Variants in LCOR observed in about 807,000 individuals in gnomAD.
LCOR encodes ligand-dependent corepressor.
A neutral mutation model predicts 64.4 loss-of-function variants in LCOR; 14 were observed. The ratio of observed to expected loss-of-function variants is 0.22; its 90% confidence interval spans 0.14 to 0.34. The LOEUF (loss-of-function observed/expected upper bound fraction) is 0.34, where lower values mean the gene tolerates loss of function less well. Ranked by LOEUF, LCOR falls within the 10% of genes least tolerant of loss-of-function variation. The probability of loss-of-function intolerance (pLI) is 1.00; values close to 1 mark genes in which losing one functional copy is unlikely to be tolerated. For missense variants in LCOR, 1,686 were observed against 1,765.3 expected, an observed-to-expected ratio of 0.96 and a Z score of 0.80; for synonymous variants, 643 against 642.5, an observed-to-expected ratio of 1.00 and a Z score of -0.01.
chr10:96,846,690 A>T (rs552520619), intron 2 of LCOR, among the ~76,000 whole-genome samples: 2 of 152,186 alleles, frequency 1.3e-5, no homozygotes, highest in African/African-American at 2.4e-5. Context: ...TTTTCATTGT[A>T]TAGTTTTTAT....
intron 7 of LCOR, among the ~76,000 whole-genome samples, chr10:96,975,088 TTGAACCCGGGAGG>T (rs1848026891): frequency 6.6e-6 from 1 of 152,214 alleles, no homozygotes; most frequent in African/African-American, 2.4e-5. Context: ...CAAGAATTGC[TTGAACCCGGGAGG>T]TGGCGGTTGC....
At chr10:96,964,783 CT>C (rs1167961089) in intron 7 of LCOR, among the ~76,000 whole-genome samples, 8 of 152,140 alleles carry the variant, frequency 5.3e-5, no homozygotes, top group African/African-American at 9.7e-5. Flanking sequence ...TCTGTCTTGA[CT>C]TAGTTTTTTA....
At chr10:96,915,372 T>C (rs1231889085) in intron 4 of LCOR, among the ~76,000 whole-genome samples, 1 of 151,926 alleles carries the variant, frequency 6.6e-6, no homozygotes, top group African/African-American at 2.4e-5. Flanking sequence ...TACAAAAAAA[T>C]TAGCCAGGCG....
chr10:96,851,303 G>C (rs952592120), intron 2 of LCOR, among the ~76,000 whole-genome samples: 2 of 152,168 alleles, frequency 1.3e-5, no homozygotes, highest in Non-Finnish European at 1.5e-5. Context: ...TAATTCAACC[G>C]TGTAACCAGG....
chr10:96,952,172 G>T lies in LCOR; in HGVS notation c.308G>T (p.Gly103Val). The T allele has an allele frequency of 6.2e-7, 1 of 1,613,828 alleles. No individual in the cohort carries two copies. Among genetic ancestry groups the T allele is most frequent in the South Asian group, 1.1e-5 (1 of 91,080 alleles). ...AGCACTTCCCTGAGCCACTCTCCAG[G>T]CTGCTCCAGTACTCAAGGGAACGGG... is the stretch of plus-strand genomic sequence containing the variant. ...AGSTSLSHSP[G>V]CSSTQGNGEN... The change falls in exon 7 of 8, where the codon GGC (glycine) becomes GTC (valine). Residue 103 changes from glycine to valine, a missense_variant. Gly to Val is a moderately radical substitution (Grantham distance 109). This residue lies in a region of LCOR where 313 missense variants were observed against 247.2 expected (regional missense o/e 1.27). Transcript: ENST00000421806.
At chr10:96,921,130 C>T (rs1847074139) in intron 4 of LCOR, among the ~76,000 whole-genome samples, 2 of 151,924 alleles carry the variant, frequency 1.3e-5, no homozygotes, top group South Asian at 4.2e-4. Flanking sequence ...CACCCCCAGC[C>T]TATATGTTCT....
At chr10:96,896,026 G>A (rs1038758807) in intron 2 of LCOR, among the ~76,000 whole-genome samples, 1 of 152,052 alleles carries the variant, frequency 6.6e-6, no homozygotes, top group Non-Finnish European at 1.5e-5. Context: ...AGGTTACAGT[G>A]TGCTGTGATT....
At chr10:96,919,418 T>C (rs1847010219) in intron 4 of LCOR, among the ~76,000 whole-genome samples, 1 of 152,190 alleles carries the variant, frequency 6.6e-6, no homozygotes, top group Non-Finnish European at 1.5e-5. Context: ...TCTGCTTCTC[T>C]TCCCCCCTTC....
chr10:96,916,028 C>CATTT (rs534345453), intron 4 of LCOR: 166 of 167,470 alleles, frequency 9.9e-4, no homozygotes, highest in African/African-American at 2.9e-3. Flanking sequence ...TTTATTTATT[C>CATTT]ATTTATTTAT....
At position 96,991,022 on chromosome 10, in the gene LCOR, T is replaced by TTA. The variant is rs1554843089; in HGVS notation, c.*5888_*5889insTA. On this transcript the variant is annotated 3_prime_UTR_variant, in exon 8 of 8. Coordinates refer to ENST00000421806, the MANE Select transcript of LCOR (RefSeq NM_001346516.2). Reference sequence around the variant, plus strand: ...TTTTACCCTTTTTTAAAGGGTTATGTAAAAAAAAAAAAAAAAAAAAAAAGC... The same window carrying TTA: ...TTTTACCCTTTTTTAAAGGGTTATGTTAAAAAAAAAAAAAAAAAAAAAAAAGC... 1 of 77,262 alleles carries TTA rather than the reference T, an allele frequency of 1.3e-5. No individual in the cohort carries two copies. The allele number at this position is 77,262 out of a possible 1,614,324, so 4.8% of individuals were successfully genotyped here.
rs1404287041 is a variant in LCOR at position 96,993,527 on chromosome 10, ATTAC to A, written c.*8396_*8399del. 3.3e-5 allele frequency: 5 copies of A among 152,138 alleles called. No individual in the cohort carries two copies. Among genetic ancestry groups the A allele is most frequent in the African/African-American group, 4.8e-5 (2 of 41,446 alleles). 9.4% of individuals were successfully genotyped at this position (152,138 alleles called of 1,614,324 possible). A position where few individuals can be genotyped will look rare whatever the true frequency, so the allele number is the denominator to read the frequency against. ...TGTAAATAGTTTTCTAAAAATATTT[ATTAC>A]TTGTGCTGTATACAAATTCATGTTC... On this transcript the variant is annotated 3_prime_UTR_variant, in exon 8 of 8. Transcript: ENST00000421806.
At position 96,899,884 on chromosome 10, in the gene LCOR, C is replaced by A. The variant is rs577402436; in HGVS notation, c.-329-7381C>A. 2.0e-5 allele frequency among the ~76,000 whole-genome samples: 3 copies of A among 152,202 alleles called. No homozygotes were observed. The South Asian group carries it at 6.2e-4, about 32-fold the overall frequency. On this transcript the variant is annotated intron_variant, in intron 2 of 7. Transcript: ENST00000421806. ...TTTCTTAAAACATTACAAATTTTTA[C>A]CAAACAGGCATAGAGTACCTGTTTT...
chr10:96,898,713 T>G (rs745693259), intron 2 of LCOR, among the ~76,000 whole-genome samples: 34 of 152,190 alleles, frequency 2.2e-4, no homozygotes, highest in Admixed American at 2.2e-3. Context: ...TTCAGGGTTG[T>G]TTGTTTTGTT....
At chr10:96,912,667 A>G (rs1033027413) in intron 4 of LCOR, among the ~76,000 whole-genome samples, 3 of 109,634 alleles carry the variant, frequency 2.7e-5, no homozygotes, top group Non-Finnish European at 5.3e-5. Context: ...TCCTTTTTGT[A>G]GTTAATGGCT....
intron 2 of LCOR, among the ~76,000 whole-genome samples, chr10:96,837,270 A>G (rs10882847): frequency 0.066 from 9,949 of 149,796 alleles, 700 homozygotes; most frequent in East Asian, 0.32. Context: ...GATTACAGGC[A>G]TGAGCCACTG....
At chr10:96,937,566 G>A (rs1847372709) in intron 4 of LCOR, among the ~76,000 whole-genome samples, 1 of 152,032 alleles carries the variant, frequency 6.6e-6, no homozygotes, top group South Asian at 2.1e-4. Flanking sequence ...TGCCCAGGCT[G>A]GTCTTGAACT....
chr10:96,939,791 G>A (rs1180199194), intron 4 of LCOR, among the ~76,000 whole-genome samples: 9 of 152,252 alleles, frequency 5.9e-5, no homozygotes, highest in East Asian at 1.9e-4. Flanking sequence ...GTGAAATCCC[G>A]TCTCTACTAA....
rs1259281023 is a variant in LCOR, at chr10:96,868,616, G to T, written c.-330+35137G>T. On this transcript the variant is annotated intron_variant, in intron 2 of 7. Coordinates refer to ENST00000421806, the MANE Select transcript of LCOR (RefSeq NM_001346516.2). Reference sequence around the variant, plus strand: ...AAAGTCATCAAATTCTTAAGATAAAGGACTGAAATTACAGTGTAGTTTTAG... The same window carrying T: ...AAAGTCATCAAATTCTTAAGATAAATGACTGAAATTACAGTGTAGTTTTAG... 2.0e-5 allele frequency among the ~76,000 whole-genome samples: 3 copies of T among 152,056 alleles called. No homozygotes were observed. The East Asian group carries it at 5.8e-4, about 29-fold the overall frequency.
At chr10:96,935,853 C>T (rs536174953) in intron 4 of LCOR, among the ~76,000 whole-genome samples, 33 of 152,252 alleles carry the variant, frequency 2.2e-4, no homozygotes, top group South Asian at 1.9e-3. Flanking sequence ...CAAACAACAA[C>T]GACAAAAACA....
Sources: gnomAD v4.1 joint callset for allele counts (sites outside exome capture counted in the v4.1 genomes callset) on GRCh38, gnomAD v4.1.1 for gene constraint, gnomAD v4.1.1 regional missense constraint, MANE v1.5 for transcripts, NCBI Gene and HGNC (gene_info 2026-07-23, HGNC 2026-07-21) for gene names.